TTLL7: variants seen among roughly 807,000 people sequenced by gnomAD.
TTLL7 encodes the protein tubulin tyrosine ligase like 7.
A neutral mutation model predicts 120.2 loss-of-function variants in TTLL7; 53 were observed. The observed-to-expected ratio is 0.44, with a 90% CI of 0.35 to 0.55. The LOEUF (loss-of-function observed/expected upper bound fraction) is 0.55, where lower values mean the gene tolerates loss of function less well. Among genes scored for constraint, TTLL7 ranks in the 20% least tolerant of loss-of-function variants. The pLI is 0.00. For missense variants in TTLL7, 803 were observed against 1,054.7 expected (o/e 0.76, Z 3.31); for synonymous variants, 353 against 351.7 (o/e 1.00, Z -0.04).
At chr1:83,946,448 C>T (rs1286347967) in intron 6 of TTLL7, 1 of 152,182 alleles carries the variant, frequency 6.6e-6, no homozygotes, top group Non-Finnish European at 1.5e-5. Context: ...AAGAGTATTA[C>T]TTGCACATTC....
At chr1:83,892,651 CATAT>C (rs1655746336) in intron 18 of TTLL7, among the ~76,000 whole-genome samples, 1 of 106,980 alleles carries the variant, frequency 9.3e-6, no homozygotes, top group Non-Finnish European at 2.2e-5. Context: ...TATATATGAA[CATAT>C]GAATGAACAT....
intron 6 of TTLL7, among the ~76,000 whole-genome samples, chr1:83,944,851 TG>T (rs1648329648): frequency 6.6e-6 from 1 of 152,222 alleles, no homozygotes; most frequent in Admixed American, 6.5e-5. Context: ...AGATATAATT[TG>T]TGACAATAAC....
At chr1:83,886,895 A>G (rs1655018180) in intron 19 of TTLL7, among the ~76,000 whole-genome samples, 1 of 152,060 alleles carries the variant, frequency 6.6e-6, no homozygotes, top group South Asian at 2.1e-4. Context: ...CCTCTATCCC[A>G]GTAAAACATG....
intron 14 of TTLL7, among the ~76,000 whole-genome samples, 190 bp downstream of exon 14, chr1:83,917,414 C>T (rs990131883): frequency 3.3e-5 from 5 of 152,174 alleles, no homozygotes; most frequent in South Asian, 4.2e-4. Context: ...ACCAAAATGA[C>T]GAATGAAACT....
intron 18 of TTLL7, among the ~76,000 whole-genome samples, chr1:83,892,391 CGA>C (rs1334019309): frequency 9.6e-4 from 18 of 18,812 alleles, no homozygotes; most frequent in African/African-American, 1.7e-3. Context: ...AATATATATA[CGA>C]ATATATATGA....
Position 83,906,311 on chromosome 1 carries a change from G to T in TTLL7, c.2127+18C>A. The stretch of plus-strand genomic sequence containing the variant: ...AAGGTACCAGCTCCTTGGCATTTTA[G>T]ATACATCACATACTCACATCTTCTA... On this transcript the variant is annotated intron_variant, in intron 17 of 20. Transcript: ENST00000260505. 1 of 1,600,216 alleles carries T rather than the reference G, an allele frequency of 6.2e-7. No homozygotes were observed. Among genetic ancestry groups the T allele is most frequent in the Non-Finnish European group, 8.5e-7 (1 of 1,173,572 alleles).
chr1:83,902,737 T>C (rs1043725888), intron 18 of TTLL7, among the ~76,000 whole-genome samples: 1 of 151,982 alleles, frequency 6.6e-6, no homozygotes, highest in African/African-American at 2.4e-5. Flanking sequence ...TAGAGACTCC[T>C]AAATTTTTGT....
At chr1:83,895,327 C>A (rs1326589055) in intron 18 of TTLL7, among the ~76,000 whole-genome samples, 1 of 151,944 alleles carries the variant, frequency 6.6e-6, no homozygotes. Context: ...CCTATGTAGA[C>A]AAGGTAAAAA....
At chr1:83,892,207 C>T (rs1256484601) in intron 18 of TTLL7, among the ~76,000 whole-genome samples, 1 of 142,892 alleles carries the variant, frequency 7.0e-6, no homozygotes, top group Non-Finnish European at 1.5e-5. Flanking sequence ...TATATATACA[C>T]ATATATATGA....
In TTLL7 at chr1:83,919,841, C is replaced by G; in HGVS notation, c.1365-7G>C. The G allele has an allele frequency of 6.2e-7, 1 of 1,607,448 alleles. No homozygotes were observed. The highest frequency in any genetic ancestry group is 8.5e-7 in the Non-Finnish European group (1 of 1,177,702). ...TTCAGGAGGATAAATTCGTCTACAA[C>G]AAAATCAGATAAACCAATTTTTTAA... On this transcript the variant is annotated splice_polypyrimidine_tract_variant and splice_region_variant and intron_variant, in intron 12 of 20. Transcript: ENST00000260505.
chr1:83,957,351 A>T (rs1054571364), intron 1 of TTLL7, among the ~76,000 whole-genome samples: 8 of 152,198 alleles, frequency 5.3e-5, no homozygotes, highest in Non-Finnish European at 1.2e-4. Flanking sequence ...TCACCCAAAG[A>T]TTACTAAAAT....
At chr1:83,892,597 A>AACAT (rs1557565995) in intron 18 of TTLL7, among the ~76,000 whole-genome samples, 6 of 120,182 alleles carry the variant, frequency 5.0e-5, no homozygotes, top group East Asian at 4.5e-4. Flanking sequence ...TGAACATATG[A>AACAT]ATGAACATAT....
intron 20 of TTLL7, among the ~76,000 whole-genome samples, chr1:83,876,970 T>C (rs1196486906): frequency 6.6e-6 from 1 of 151,974 alleles, no homozygotes; most frequent in Admixed American, 6.6e-5. Context: ...ACAGTCTTGT[T>C]ACTCATTTGA....
At chr1:83,964,643 T>G (rs1194078066) in intron 1 of TTLL7, among the ~76,000 whole-genome samples, 1 of 152,158 alleles carries the variant, frequency 6.6e-6, no homozygotes, top group African/African-American at 2.4e-5. Flanking sequence ...AGTTCAGAGC[T>G]TTTCTTTCAG....
chr1:83,977,758 C>T (rs1381852300), intron 1 of TTLL7, among the ~76,000 whole-genome samples: 1 of 151,996 alleles, frequency 6.6e-6, no homozygotes, highest in Non-Finnish European at 1.5e-5. Flanking sequence ...TTAAATTTAG[C>T]TCTTTTGGGC....
At position 83,947,219 on chromosome 1, in the gene TTLL7, T is replaced by C; in HGVS notation, c.411A>G (p.Glu137=). ...FVPRTWIFPA[E]YTQFQNYVKE... Reference sequence around the variant, plus strand: ...TCACATAATTTTGGAATTGAGTATATTCAGCAGGAAAGATCCAAGTTCGAG... The same window carrying C: ...TCACATAATTTTGGAATTGAGTATACTCAGCAGGAAAGATCCAAGTTCGAG... The change falls in exon 6 of 21, where the codon GAA becomes GAG. Residue 137 remains glutamate (E), a synonymous_variant. Transcript: ENST00000260505. 4 of 1,613,092 alleles carry C rather than the reference T, an allele frequency of 2.5e-6. No homozygotes were observed. Among genetic ancestry groups the C allele is most frequent in the Non-Finnish European group, 3.4e-6 (4 of 1,179,656 alleles).
chr1:83,957,342 C>T (rs1649618967), intron 1 of TTLL7, among the ~76,000 whole-genome samples: 1 of 152,100 alleles, frequency 6.6e-6, no homozygotes, highest in African/African-American at 2.4e-5. Flanking sequence ...ATTTTTAGCT[C>T]ACCCAAAGAT....
chr1:83,870,016 T>C lies in TTLL7; in HGVS notation c.2610A>G (p.Ser870=). 6.3e-7 allele frequency: 1 copy of C among 1,589,382 alleles called. No homozygotes were observed. The highest frequency in any genetic ancestry group is 1.2e-5 in the South Asian group (1 of 86,124). ...AAACATTGGAGCGAGTCATTCCAGG[T>C]GAATTGTACTTCAAGTTGTAGGTTG... ...RTPTYNLKYN[S]PGMTRSNVLF... is the part of the protein sequence containing the mutation. The change falls in exon 21 of 21, where the codon TCA becomes TCG. Residue 870 remains serine (S), a synonymous_variant. Coordinates refer to ENST00000260505, the MANE Select transcript of TTLL7 (RefSeq NM_024686.6).
rs1290236355 is a variant in TTLL7 at position 83,917,636 on chromosome 1, T to C, written c.1555A>G (p.Met519Val). Residue 519 changes from methionine (M) to valine (V), a missense_variant, in exon 14 of 21, where the codon ATG (methionine) becomes GTG (valine). Physicochemically the swap from Met to Val is conservative, Grantham distance 21. Around this residue, in one of 3 missense-constraint regions of TTLL7, gnomAD observed 388 missense variants for 450.4 expected, o/e 0.86. Transcript: ENST00000260505. ...CCTCGAGTCTTGGTAGTTTTTCCCATCAACTTTTCATCATCAATTTCACAT... is the reference window on the plus strand; with the variant it reads ...CCTCGAGTCTTGGTAGTTTTTCCCACCAACTTTTCATCATCAATTTCACAT... ...EQCEIDDEKLMGKTTKTRGPK... is the reference protein window; with the variant it reads ...EQCEIDDEKLVGKTTKTRGPK... The C allele has an allele frequency of 3.7e-6, 6 of 1,613,514 alleles. No homozygotes were observed. The highest frequency in any genetic ancestry group is 1.1e-5 in the South Asian group (1 of 91,056).
Sources: gnomAD v4.1 joint callset for allele counts (sites outside exome capture counted in the v4.1 genomes callset) on GRCh38, gnomAD v4.1.1 for gene constraint, gnomAD v4.1.1 regional missense constraint, MANE v1.5 for transcripts, NCBI Gene and HGNC (gene_info 2026-07-23, HGNC 2026-07-21) for gene names.